Variants in DPP6 observed in about 807,000 individuals in gnomAD.
DPP6 encodes A-type potassium channel modulatory protein DPP6.
DPP6 carries 69 observed loss-of-function variants against 122.6 expected under a neutral mutation model. That is an observed-to-expected ratio of 0.56 (90% CI 0.46 to 0.69). The LOEUF (loss-of-function observed/expected upper bound fraction) is 0.69. Among genes scored for constraint, DPP6 ranks in the 30% least tolerant of loss-of-function variants. The pLI is 0.00. For synonymous variants in DPP6, 418 were observed against 433.1 expected (o/e 0.97, Z 0.43); for missense variants, 928 against 1,116.9 (o/e 0.83, Z 2.41).
At chr7:154,147,652 G>T (rs982201961) in intron 1 of DPP6, among the ~76,000 whole-genome samples, 1 of 19,618 alleles carries the variant, frequency 5.1e-5, no homozygotes, top group Admixed American at 4.1e-4. Context: ...GCTAATTTGT[G>T]TGTGTGTGTG....
At chr7:154,784,571 G>C (rs1046374342) in intron 10 of DPP6, among the ~76,000 whole-genome samples, 1 of 152,166 alleles carries the variant, frequency 6.6e-6, no homozygotes, top group Admixed American at 6.5e-5. Context: ...GGGCAGTCTG[G>C]TTTTTGCTTG....
intron 1 of DPP6, among the ~76,000 whole-genome samples, chr7:154,363,797 A>G (rs1388127325): frequency 1.3e-5 from 2 of 152,154 alleles, no homozygotes; most frequent in African/African-American, 4.8e-5. Context: ...TTAACCATTG[A>G]GTTACTACAA....
At chr7:154,725,950 C>T (rs1204676294) in intron 7 of DPP6, among the ~76,000 whole-genome samples, 1 of 152,166 alleles carries the variant, frequency 6.6e-6, no homozygotes, top group East Asian at 1.9e-4. Flanking sequence ...AAGTCTGAAA[C>T]CCAGCAGGGC....
At chr7:154,761,709 GTTTTA>G (rs904636897) in intron 8 of DPP6, among the ~76,000 whole-genome samples, 10 of 151,844 alleles carry the variant, frequency 6.6e-5, no homozygotes, top group African/African-American at 2.2e-4. Context: ...TTTTTTCAAG[GTTTTA>G]TTTTATTTTT....
chr7:154,007,660 T>C (rs1327900942), intron 1 of DPP6, among the ~76,000 whole-genome samples: 1 of 152,160 alleles, frequency 6.6e-6, no homozygotes, highest in Admixed American at 6.5e-5. Flanking sequence ...CACAGATTTC[T>C]TTTTTAGACA....
chr7:153,754,583 C>G, the DPP6 span, among the ~76,000 whole-genome samples: 3 of 152,222 alleles, frequency 2.0e-5, no homozygotes, highest in Non-Finnish European at 4.4e-5. Context: ...TTAAATGCAC[C>G]ATCTTTGGGA....
intron 3 of DPP6, among the ~76,000 whole-genome samples, chr7:154,496,525 A>T (rs1343623464): frequency 6.6e-6 from 1 of 152,236 alleles, no homozygotes; most frequent in African/African-American, 2.4e-5. Context: ...TTCCCTGAGC[A>T]CAATGAATGG....
At chr7:154,485,201 G>A (rs1281848605) in intron 3 of DPP6, among the ~76,000 whole-genome samples, 1 of 151,858 alleles carries the variant, frequency 6.6e-6, no homozygotes, top group Non-Finnish European at 1.5e-5. Flanking sequence ...GAGGGACTGT[G>A]TTCTCCCACG....
intron 5 of DPP6, among the ~76,000 whole-genome samples, chr7:154,634,410 A>T (rs920828383): frequency 5.9e-5 from 9 of 151,710 alleles, no homozygotes; most frequent in Non-Finnish European, 1.3e-4. Flanking sequence ...CCAGTCTATC[A>T]TTGTTGGATA....
intron 1 of DPP6, among the ~76,000 whole-genome samples, chr7:154,262,817 C>A (rs1007009741): frequency 2.0e-5 from 3 of 152,096 alleles, no homozygotes; most frequent in Non-Finnish European, 4.4e-5. Flanking sequence ...TGTGGCCCAG[C>A]TGAGGATAGC....
In DPP6 at chr7:154,087,996, C is replaced by T. The variant is rs190319595; in HGVS notation, c.243+34933C>T. Reference sequence around the variant, plus strand: ...GCTGCAGAGCCTGGTTCTTGTGTCTCTTGTCTTCCTGGGTGTGCTGGGATG... The same window carrying T: ...GCTGCAGAGCCTGGTTCTTGTGTCTTTTGTCTTCCTGGGTGTGCTGGGATG... On this transcript the variant is annotated intron_variant, in intron 1 of 25. Coordinates refer to ENST00000377770, the MANE Select transcript of DPP6 (RefSeq NM_130797.4). 5.1e-4 allele frequency among the ~76,000 whole-genome samples: 78 copies of T among 152,252 alleles called. No individual in the cohort carries two copies. The Middle Eastern group carries it at 0.01, about 20-fold the overall frequency.
At chr7:153,853,803 C>G in the DPP6 span, among the ~76,000 whole-genome samples, 1 of 151,916 alleles carries the variant, frequency 6.6e-6, no homozygotes, top group African/African-American at 2.4e-5. Context: ...GTTGCCTGTT[C>G]ACTCTGATGG....
intron 1 of DPP6, among the ~76,000 whole-genome samples, chr7:154,003,091 G>A (rs1412435634): frequency 1.3e-5 from 2 of 152,148 alleles, no homozygotes; most frequent in African/African-American, 2.4e-5. Context: ...GGAGAAAAGG[G>A]CCTTGCTTAA....
intron 14 of DPP6, 37 bp from the exon 15 acceptor site, chr7:154,804,880 A>C (rs1207956515): frequency 6.3e-7 from 1 of 1,586,070 alleles, no homozygotes; most frequent in Non-Finnish European, 8.6e-7. Flanking sequence ...CGTGCCTTGG[A>C]GCAAACTAAC....
At chr7:154,059,001 C>T (rs1354279738) in intron 1 of DPP6, 3 of 149,276 alleles carry the variant, frequency 2.0e-5, no homozygotes, top group Non-Finnish European at 4.4e-5. Flanking sequence ...TCTGTTCCCC[C>T]ACTGGCTCTT....
At chr7:154,813,901 A>C in intron 16 of DPP6, among the ~76,000 whole-genome samples, 1 of 71,406 alleles carries the variant, frequency 1.4e-5, no homozygotes, top group Non-Finnish European at 2.7e-5. Flanking sequence ...TTTTTTTGAG[A>C]TGGAGTTTTG....
intron 1 of DPP6, among the ~76,000 whole-genome samples, chr7:153,895,394 G>A (rs76240481): frequency 0.014 from 2,161 of 152,216 alleles, 54 homozygotes; most frequent in African/African-American, 0.05. Context: ...GATTATTCTT[G>A]AAGTCCCTTT....
intron 1 of DPP6, among the ~76,000 whole-genome samples, chr7:154,078,871 A>G (rs914763850): frequency 1.3e-5 from 2 of 149,120 alleles, no homozygotes; most frequent in Non-Finnish European, 3.0e-5. Flanking sequence ...TTCCAAAATG[A>G]TTGTAGATTT....
At chr7:154,420,066 G>A (rs1817338249) in intron 1 of DPP6, among the ~76,000 whole-genome samples, 2 of 152,358 alleles carry the variant, frequency 1.3e-5, no homozygotes, top group African/African-American at 4.8e-5. Context: ...GGCCGGCACG[G>A]TGGCTTTTGC....
Sources: gnomAD v4.1 joint callset for allele counts (sites outside exome capture counted in the v4.1 genomes callset) on GRCh38, gnomAD v4.1.1 for gene constraint, MANE v1.5 for transcripts, NCBI Gene and HGNC (gene_info 2026-07-23, HGNC 2026-07-21) for gene names.